The following SH3D19 variants were observed in gnomAD, a reference collection of about 807,000 sequenced individuals.
SH3D19 encodes the protein SH3 domain-containing protein 19.
SH3D19 carries 58 observed loss-of-function variants against 112.1 expected under a neutral mutation model. The ratio of observed to expected loss-of-function variants is 0.52; its 90% CI spans 0.42 to 0.64. SH3D19 has a LOEUF of 0.64. SH3D19 is among the 30% of genes least tolerant of loss of function. The probability of loss-of-function intolerance (pLI) is 0.00; values close to 1 mark genes in which losing one functional copy is unlikely to be tolerated. For missense variants in SH3D19, 1,090 were observed against 1,263.4 expected, an observed-to-expected ratio of 0.86 and a Z score of 2.08; for synonymous variants, 391 against 448.5, an observed-to-expected ratio of 0.87 and a Z score of 1.62.
At chr4:151,157,716 G>A (rs1215205079) in intron 9 of SH3D19, among the ~76,000 whole-genome samples, 1 of 152,120 alleles carries the variant, frequency 6.6e-6, no homozygotes, top group Non-Finnish European at 1.5e-5. Context: ...AATGGATACA[G>A]AAAATGTGGC....
intron 11 of SH3D19, among the ~76,000 whole-genome samples, chr4:151,147,392 G>T (rs541236032): frequency 1.3e-5 from 2 of 152,136 alleles, no homozygotes; most frequent in Admixed American, 6.5e-5. Flanking sequence ...AGTTACAAGC[G>T]GCCTGCCCTG....
At chr4:151,309,076 C>A (rs1404474168) in intron 1 of SH3D19, among the ~76,000 whole-genome samples, 1 of 152,168 alleles carries the variant, frequency 6.6e-6, no homozygotes, top group African/African-American at 2.4e-5. Context: ...GCCATGTTGG[C>A]CAGGCTCGTC....
intron 1 of SH3D19, among the ~76,000 whole-genome samples, chr4:151,237,021 G>A (rs1561390197): frequency 6.6e-6 from 1 of 152,216 alleles, no homozygotes. Context: ...TCCATACTGT[G>A]GAAGCTTTGT....
chr4:151,232,037 A>G (rs1769652332), intron 1 of SH3D19, among the ~76,000 whole-genome samples: 1 of 152,164 alleles, frequency 6.6e-6, no homozygotes, highest in Admixed American at 6.5e-5. Flanking sequence ...TACAAAAATT[A>G]GCTGGACATG....
intron 1 of SH3D19, among the ~76,000 whole-genome samples, chr4:151,317,414 AG>A (rs1424134710): frequency 6.6e-6 from 1 of 152,262 alleles, no homozygotes; most frequent in Non-Finnish European, 1.5e-5. Flanking sequence ...AAGTGTTCAA[AG>A]GATTAGTCTC....
intron 7 of SH3D19, 153 bp from the exon 8 acceptor site, chr4:151,165,849 T>C: frequency 1.6e-6 from 1 of 614,230 alleles, no homozygotes; most frequent in Non-Finnish European, 2.8e-6. Context: ...AAAACAAAGT[T>C]GGAGCTCATA....
intron 1 of SH3D19, among the ~76,000 whole-genome samples, chr4:151,303,581 G>A (rs189679470): frequency 3.9e-5 from 6 of 152,214 alleles, no homozygotes; most frequent in Admixed American, 1.3e-4. Flanking sequence ...GGCCCTCCTC[G>A]ATTCCACTCC....
intron 9 of SH3D19, among the ~76,000 whole-genome samples, chr4:151,150,228 T>TATAC (rs1554037677): frequency 2.7e-4 from 13 of 47,314 alleles, no homozygotes; most frequent in African/African-American, 6.1e-4. Flanking sequence ...TATATATATA[T>TATAC]ACACACACAC....
At chr4:151,172,487 G>C (rs533977646) in intron 7 of SH3D19, among the ~76,000 whole-genome samples, 1 of 152,302 alleles carries the variant, frequency 6.6e-6, no homozygotes, top group East Asian at 1.9e-4. Context: ...GGATGAAAAG[G>C]AGAGGCAGAG....
At chr4:151,138,297 C>T (rs977224318) in intron 13 of SH3D19, among the ~76,000 whole-genome samples, 1 of 152,010 alleles carries the variant, frequency 6.6e-6, no homozygotes, top group African/African-American at 2.4e-5. Context: ...TTTACCCATA[C>T]CAAAACAAAA....
chr4:151,267,057 G>A lies in SH3D19; in HGVS notation c.113-40971C>T, dbSNP rs982830846. Among the ~76,000 whole-genome samples, 5 of 151,582 alleles carry A rather than the reference G, an allele frequency of 3.3e-5. No homozygotes were observed. The South Asian group carries it at 6.2e-4, about 19-fold the overall frequency. On this transcript the variant is annotated intron_variant, in intron 1 of 19. Coordinates refer to ENST00000604030, the MANE Select transcript of SH3D19 (RefSeq NM_001378122.1). The stretch of plus-strand genomic sequence containing the variant: ...TTTTCAGCTGGGTGTGGTGGCTCAC[G>A]CCTGTAATCCCAGCACTTCTGGAGG...
chr4:151,275,302 TG>T (rs1773510878), intron 1 of SH3D19, among the ~76,000 whole-genome samples: 1 of 152,122 alleles, frequency 6.6e-6, no homozygotes, highest in African/African-American at 2.4e-5. Context: ...TTAGCCAGGA[TG>T]GTCTCGATCT....
intron 1 of SH3D19, among the ~76,000 whole-genome samples, chr4:151,318,013 A>T (rs1730163089): frequency 1.3e-5 from 2 of 149,464 alleles, no homozygotes; most frequent in South Asian, 4.3e-4. Context: ...AAAATAAAAG[A>T]TAGGCCGGGT....
intron 1 of SH3D19, among the ~76,000 whole-genome samples, chr4:151,294,528 CA>C (rs957730986): frequency 1.3e-5 from 2 of 152,198 alleles, no homozygotes; most frequent in Non-Finnish European, 2.9e-5. Context: ...AACAGTTGCC[CA>C]GGGGGTGGTG....
intron 3 of SH3D19, among the ~76,000 whole-genome samples, chr4:151,182,109 C>T (rs1761054081): frequency 6.6e-6 from 1 of 152,060 alleles, no homozygotes; most frequent in South Asian, 2.1e-4. Context: ...CTGCCTCAGC[C>T]CCCTGAGTAG....
intron 1 of SH3D19, among the ~76,000 whole-genome samples, chr4:151,293,315 A>T (rs1372514601): frequency 6.8e-6 from 1 of 147,550 alleles, no homozygotes; most frequent in Non-Finnish European, 1.5e-5. Flanking sequence ...CTAAAAATAC[A>T]AAAAAAAATT....
At chr4:151,139,908 A>C in intron 12 of SH3D19, 61 bp from the exon 13 acceptor site, 1 of 1,525,416 alleles carries the variant, frequency 6.6e-7, no homozygotes, top group Admixed American at 1.8e-5. Context: ...TTTATTATTC[A>C]CTCTGAGACC....
chr4:151,171,941 ATG>A (rs1759135741), intron 7 of SH3D19, among the ~76,000 whole-genome samples: 1 of 152,192 alleles, frequency 6.6e-6, no homozygotes, highest in Non-Finnish European at 1.5e-5. Context: ...TGCCTGTTTT[ATG>A]AGTTTTTATT....
intron 9 of SH3D19, among the ~76,000 whole-genome samples, chr4:151,150,206 AAT>A (rs1554037659): frequency 0.013 from 587 of 46,102 alleles, 30 homozygotes; most frequent in African/African-American, 0.033. Flanking sequence ...AAAAAAAAAA[AAT>A]ATATATATAT....
Sources: allele counts gnomAD v4.1 joint callset (sites outside exome capture counted in the v4.1 genomes callset), GRCh38; gene constraint gnomAD v4.1.1; transcripts MANE v1.5; gene names NCBI Gene and HGNC (gene_info 2026-07-23, HGNC 2026-07-21).